Variants in PTPRD observed in about 807,000 individuals in gnomAD.
PTPRD encodes receptor-type tyrosine-protein phosphatase delta.
Under a neutral mutation model 214.5 loss-of-function variants are expected in PTPRD, and 34 were observed. The observed-to-expected ratio is 0.16, with a 90% CI of 0.12 to 0.21. PTPRD has a LOEUF of 0.21. Ranked by LOEUF, PTPRD falls within the 10% of genes least tolerant of loss-of-function variation. The pLI is 1.00. For missense variants in PTPRD, 2,545 were observed against 2,398.7 expected, an observed-to-expected ratio of 1.06 and a Z score of -1.27; for synonymous variants, 1,128 against 845.7, an observed-to-expected ratio of 1.33 and a Z score of -5.79.
At chr9:9,862,525 C>G (rs1002316529) in intron 5 of PTPRD, among the ~76,000 whole-genome samples, 4 of 152,174 alleles carry the variant, frequency 2.6e-5, no homozygotes, top group African/African-American at 9.7e-5. Flanking sequence ...TTTCTCATCC[C>G]TGTTTTAATT....
At chr9:9,088,610 G>A (rs748007970) in intron 10 of PTPRD, among the ~76,000 whole-genome samples, 6,074 of 65,442 alleles carry the variant, frequency 0.093, 1 homozygote, top group African/African-American at 0.11. Flanking sequence ...AAAAAAAAAA[G>A]AAGTCTGGCT....
chr9:8,374,792 C>T (rs958052691), intron 39 of PTPRD, among the ~76,000 whole-genome samples: 2 of 151,884 alleles, frequency 1.3e-5, no homozygotes. Flanking sequence ...AAAAGAGAAA[C>T]TTTATCCTGT....
chr9:9,215,291 C>A (rs1363408878), intron 9 of PTPRD, among the ~76,000 whole-genome samples: 2 of 152,118 alleles, frequency 1.3e-5, no homozygotes, highest in Non-Finnish European at 2.9e-5. Flanking sequence ...GGAGCAGTTA[C>A]ATACTTGTAC....
At chr9:8,411,366 T>A (rs1195392950) in intron 35 of PTPRD, among the ~76,000 whole-genome samples, 1 of 152,114 alleles carries the variant, frequency 6.6e-6, no homozygotes, top group East Asian at 1.9e-4. Context: ...TGCAATGGCG[T>A]GATCTTGGCT....
At chr9:10,253,588 G>A (rs572582727) in intron 3 of PTPRD, among the ~76,000 whole-genome samples, 82 of 152,232 alleles carry the variant, frequency 5.4e-4, no homozygotes, top group African/African-American at 1.7e-3. Flanking sequence ...GAGTTTCATC[G>A]CTCAGCTTTA....
chr9:9,552,450 A>G (rs949439104), intron 8 of PTPRD, among the ~76,000 whole-genome samples: 2 of 152,124 alleles, frequency 1.3e-5, no homozygotes, highest in Non-Finnish European at 2.9e-5. Flanking sequence ...CTTGAAAAGT[A>G]TTGACTATTA....
chr9:8,433,567 T>C (rs1038009726), intron 35 of PTPRD, among the ~76,000 whole-genome samples: 2 of 152,172 alleles, frequency 1.3e-5, no homozygotes, highest in African/African-American at 4.8e-5. Flanking sequence ...ATTCTGACTC[T>C]GTGTAGGCCT....
intron 10 of PTPRD, among the ~76,000 whole-genome samples, chr9:9,100,590 T>C (rs956306430): frequency 2.6e-5 from 4 of 152,132 alleles, no homozygotes; most frequent in African/African-American, 9.6e-5. Context: ...TTGTTTGTTT[T>C]TACCAGAAAA....
chr9:8,638,871 T>G (rs999869690), intron 12 of PTPRD, among the ~76,000 whole-genome samples: 3 of 152,032 alleles, frequency 2.0e-5, no homozygotes, highest in Admixed American at 6.6e-5. Flanking sequence ...TTAGATGGAG[T>G]CTCACTCTGT....
At chr9:9,413,469 G>T (rs1233638848) in intron 8 of PTPRD, among the ~76,000 whole-genome samples, 1 of 152,148 alleles carries the variant, frequency 6.6e-6, no homozygotes, top group Non-Finnish European at 1.5e-5. Context: ...TAATAAGCAA[G>T]AAATGATTTG....
chr9:9,258,726 T>A (rs2099978840), intron 9 of PTPRD, among the ~76,000 whole-genome samples: 1 of 151,876 alleles, frequency 6.6e-6, no homozygotes, highest in Admixed American at 6.6e-5. Context: ...AGGGTTTACA[T>A]TATACAGCAG....
chr9:9,905,479 G>A (rs2153816719), intron 5 of PTPRD, among the ~76,000 whole-genome samples: 1 of 151,822 alleles, frequency 6.6e-6, no homozygotes, highest in Non-Finnish European at 1.5e-5. Flanking sequence ...ACAAAAACTT[G>A]GCTCTACATA....
chr9:8,575,894 C>T (rs2092286132), intron 14 of PTPRD, among the ~76,000 whole-genome samples: 1 of 152,138 alleles, frequency 6.6e-6, no homozygotes, highest in South Asian at 2.1e-4. Flanking sequence ...GCTAGGGATG[C>T]TTCCTCAGAG....
intron 9 of PTPRD, among the ~76,000 whole-genome samples, chr9:9,263,632 G>A (rs1392794563): frequency 6.6e-6 from 1 of 151,640 alleles, no homozygotes; most frequent in African/African-American, 2.4e-5. Context: ...CCTTTCAAAT[G>A]ATGTTCATTT....
chr9:9,992,684 G>T (rs910143284), intron 4 of PTPRD, among the ~76,000 whole-genome samples: 2 of 152,088 alleles, frequency 1.3e-5, no homozygotes, highest in African/African-American at 4.8e-5. Context: ...ATCATTACGA[G>T]CAAACTATGG....
chr9:9,635,105 G>T (rs1175586475), intron 7 of PTPRD, among the ~76,000 whole-genome samples: 1 of 152,130 alleles, frequency 6.6e-6, no homozygotes, highest in Non-Finnish European at 1.5e-5. Flanking sequence ...GAGATACAGT[G>T]TCCATCTATG....
intron 2 of PTPRD, among the ~76,000 whole-genome samples, chr9:10,478,948 A>G (rs1463136849): frequency 6.6e-6 from 1 of 152,036 alleles, no homozygotes; most frequent in Non-Finnish European, 1.5e-5. Flanking sequence ...CCATACATAA[A>G]TCTATTTTTA....
chr9:8,919,318 G>A (rs1252133518), intron 11 of PTPRD, among the ~76,000 whole-genome samples: 1 of 151,660 alleles, frequency 6.6e-6, no homozygotes, highest in African/African-American at 2.4e-5. Context: ...GCTTGAACCT[G>A]GGGGGTGGAG....
At chr9:10,612,217 A>AAAG (rs754313030) in intron 2 of PTPRD, among the ~76,000 whole-genome samples, 181 bp downstream of exon 2, 13 of 150,606 alleles carry the variant, frequency 8.6e-5, no homozygotes, top group Non-Finnish European at 2.9e-5. Flanking sequence ...CCAAAAAAAA[A>AAAG]AAAAAAAGAA....
Sources: gnomAD v4.1 joint callset for allele counts (sites outside exome capture counted in the v4.1 genomes callset) on GRCh38, gnomAD v4.1.1 for gene constraint, MANE v1.5 for transcripts, NCBI Gene and HGNC (gene_info 2026-07-23, HGNC 2026-07-21) for gene names.